ARAP2: variants seen among roughly 807,000 people sequenced by gnomAD.
The protein encoded by ARAP2 is arf-GAP with Rho-GAP domain, ANK repeat and PH domain-containing protein 2.
ARAP2 carries 148 observed loss-of-function variants against 194.5 expected under a neutral mutation model. The ratio of observed to expected loss-of-function variants is 0.76; its 90% CI spans 0.67 to 0.87. The LOEUF (loss-of-function observed/expected upper bound fraction) is 0.87, where lower values mean the gene tolerates loss of function less well. Among genes scored for constraint, ARAP2 ranks in the 40% least tolerant of loss-of-function variants. The pLI is 0.00. For synonymous variants in ARAP2, 695 were observed against 683.5 expected (o/e 1.02, Z -0.26); for missense variants, 2,128 against 1,989.7 (o/e 1.07, Z -1.32).
chr4:36,058,071 A>C (rs1723812740), exon 2 of ARAP2: 1 of 152,182 alleles, frequency 6.6e-6, no homozygotes, highest in Admixed American at 6.6e-5. Flanking sequence ...TCAAGATTCC[A>C]ATTCATACCT....
intron 5 of ARAP2, among the ~76,000 whole-genome samples, chr4:36,044,204 C>T (rs1363300488): frequency 6.6e-6 from 1 of 152,052 alleles, no homozygotes; most frequent in Non-Finnish European, 1.5e-5. Context: ...AATGAGTTAT[C>T]CAAGGTATGA....
intron 7 of ARAP2, among the ~76,000 whole-genome samples, chr4:36,188,739 G>T (rs1205772536): frequency 6.6e-6 from 1 of 152,124 alleles, no homozygotes; most frequent in Non-Finnish European, 1.5e-5. Context: ...TTTTGAGCAG[G>T]TCCCAGATAT....
rs201723424 is a variant in ARAP2 at position 36,229,405 on chromosome 4, G to C, written c.82C>G (p.His28Asp). Residue 28 changes from histidine to aspartate, a missense_variant, in exon 2 of 33, where the codon CAT (histidine) becomes GAT (aspartate). Physicochemically the swap from His to Asp is moderately conservative, Grantham distance 81 (BLOSUM62 -1). Transcript: ENST00000303965. ...INLEQYLLHF[H>D]ESGFTTVKDC... is the part of the protein sequence containing the mutation. Reference sequence around the variant, plus strand: ...TTCACAGTAGTAAAACCAGACTCATGGAAATGTAAGAGATACTGCTCCAAA... The same window carrying C: ...TTCACAGTAGTAAAACCAGACTCATCGAAATGTAAGAGATACTGCTCCAAA... 6.2e-7 allele frequency: 1 copy of C among 1,613,916 alleles called. No homozygotes were observed. The highest frequency in any genetic ancestry group is 2.2e-5 in the East Asian group (1 of 44,864).
In ARAP2 at chr4:36,133,044, T is replaced by C. The variant is rs560478016; in HGVS notation, c.3427+182A>G. Among the ~76,000 whole-genome samples the C allele has an allele frequency of 3.9e-5, 6 of 151,916 alleles. No homozygotes were observed. In the East Asian group the frequency reaches 9.7e-4, roughly 25 times the overall value. On this transcript the variant is annotated intron_variant, in intron 20 of 32. Transcript: ENST00000303965. ...GAGCAAATGGTAAAAATGTATAGTT[T>C]AAATGAGTCTTATTGGGAGAAGGAA...
chr4:36,062,793 T>C (rs1052160201), downstream of ARAP2, among the ~76,000 whole-genome samples: 3 of 152,180 alleles, frequency 2.0e-5, no homozygotes, highest in African/African-American at 7.2e-5. Context: ...AAAACTTTTA[T>C]ATTCAACATA....
rs561536161 is a variant in ARAP2 at position 36,148,564 on chromosome 4, G to A, written c.2898-57C>T. On this transcript the variant is annotated intron_variant, in intron 16 of 32. Transcript: ENST00000303965. ...AGTTATATTTAGCTCTTAAGAAAAT[G>A]AATAACACAAAGGTCATGTTTTTAA... The A allele has an allele frequency of 1.2e-5, 15 of 1,229,662 alleles. No homozygotes were observed. The East Asian group carries it at 3.1e-4, about 25-fold the overall frequency. 76.2% of individuals were successfully genotyped at this position (1,229,662 alleles called of 1,614,324 possible).
intron 5 of ARAP2, among the ~76,000 whole-genome samples, chr4:36,042,442 A>T (rs1278257735): frequency 6.6e-6 from 1 of 152,196 alleles, no homozygotes; most frequent in African/African-American, 2.4e-5. Context: ...TAAAATGCTT[A>T]ATGTGATGGA....
intron 5 of ARAP2, among the ~76,000 whole-genome samples, chr4:36,020,128 A>T (rs1716653031): frequency 1.3e-5 from 2 of 152,186 alleles, no homozygotes; most frequent in African/African-American, 4.8e-5. Flanking sequence ...CACGACAATC[A>T]GACAGGGTGC....
intron 26 of ARAP2, among the ~76,000 whole-genome samples, chr4:36,111,730 A>C (rs1232665231): frequency 6.6e-6 from 1 of 151,968 alleles, no homozygotes. Context: ...TTGATTGCTC[A>C]AGATAAAATT....
At chr4:36,058,850 C>T (rs1723949941) in intron 1 of ARAP2, among the ~76,000 whole-genome samples, 1 of 151,938 alleles carries the variant, frequency 6.6e-6, no homozygotes, top group African/African-American at 2.4e-5. Flanking sequence ...GTGATAAGCC[C>T]AATGAAGTAA....
chr4:36,102,937 A>G (rs942982487), intron 27 of ARAP2, among the ~76,000 whole-genome samples: 2 of 151,938 alleles, frequency 1.3e-5, no homozygotes, highest in African/African-American at 4.8e-5. Flanking sequence ...CAAAAAAAAA[A>G]GAAAAATTTC....
chr4:36,182,451 G>A (rs1253982765), intron 8 of ARAP2, among the ~76,000 whole-genome samples: 1 of 151,938 alleles, frequency 6.6e-6, no homozygotes, highest in Non-Finnish European at 1.5e-5. Flanking sequence ...AGCCGAGATT[G>A]TGCCACTGCA....
chr4:36,076,087 CTAAG>C (rs1728191401), intron 31 of ARAP2, among the ~76,000 whole-genome samples: 1 of 152,120 alleles, frequency 6.6e-6, no homozygotes, highest in Non-Finnish European at 1.5e-5. Flanking sequence ...CTATAGTCAT[CTAAG>C]TGAGTTTACT....
At position 36,187,581 on chromosome 4, in the gene ARAP2, T is replaced by C; in HGVS notation, c.1558-10A>G. ...CTTTCGAATACATCTCCTGTATTGGTTAGAAAAAAAGAGAAGACATATGAA... is the reference window on the plus strand; with the variant it reads ...CTTTCGAATACATCTCCTGTATTGGCTAGAAAAAAAGAGAAGACATATGAA... On this transcript the variant is annotated splice_polypyrimidine_tract_variant and intron_variant, in intron 7 of 32. Transcript: ENST00000303965. 6.5e-7 allele frequency: 1 copy of C among 1,531,892 alleles called. No individual in the cohort carries two copies. The highest frequency in any genetic ancestry group is 8.7e-7 in the Non-Finnish European group (1 of 1,148,110). 94.9% of individuals were successfully genotyped at this position (1,531,892 alleles called of 1,614,324 possible).
At chr4:36,026,468 A>G (rs963971289) in intron 5 of ARAP2, among the ~76,000 whole-genome samples, 2 of 152,190 alleles carry the variant, frequency 1.3e-5, no homozygotes, top group Admixed American at 6.5e-5. Context: ...TGGGTGCTCA[A>G]TAAACATTGT....
chr4:36,125,414 C>A (rs943558576), intron 21 of ARAP2, among the ~76,000 whole-genome samples: 1 of 151,854 alleles, frequency 6.6e-6, no homozygotes, highest in African/African-American at 2.4e-5. Context: ...ATTTTTATTT[C>A]TCATGAAATT....
downstream of ARAP2, among the ~76,000 whole-genome samples, chr4:36,061,870 T>G (rs1724498862): frequency 6.6e-6 from 1 of 152,184 alleles, no homozygotes; most frequent in Non-Finnish European, 1.5e-5. Flanking sequence ...GATTTCTGAT[T>G]GTAGTTTTGA....
At chr4:36,224,687 AT>A (rs1024060259) in intron 2 of ARAP2, among the ~76,000 whole-genome samples, 3 of 152,162 alleles carry the variant, frequency 2.0e-5, no homozygotes, top group African/African-American at 7.2e-5. Flanking sequence ...CTAACAATAA[AT>A]CTAACTTCTA....
chr4:36,151,033 TTTTA>T lies in ARAP2; in HGVS notation c.2760_2763del (p.Asn920LysfsTer11). On this transcript the variant is annotated frameshift_variant, in exon 16 of 33. Coordinates refer to ENST00000303965, the MANE Select transcript of ARAP2 (RefSeq NM_015230.4). LOFTEE classifies it high-confidence loss of function. ...AAGCCTCCTTCCAAAACACACCATTTTTTATTTGTCTCTAAGAATTTGAAACAAA... is the reference window on the plus strand; with the variant it reads ...AAGCCTCCTTCCAAAACACACCATTTTTTGTCTCTAAGAATTTGAAACAAA... 4 of 1,595,102 alleles carry T rather than the reference TTTTA, an allele frequency of 2.5e-6. No homozygotes were observed. The highest frequency in any genetic ancestry group is 3.4e-6 in the Non-Finnish European group (4 of 1,174,358).
Sources: gnomAD v4.1 joint callset for allele counts (sites outside exome capture counted in the v4.1 genomes callset) on GRCh38, gnomAD v4.1.1 for gene constraint, MANE v1.5 for transcripts, NCBI Gene and HGNC (gene_info 2026-07-23, HGNC 2026-07-21) for gene names.